NUCB2: variants seen among roughly 807,000 people sequenced by gnomAD.
NUCB2 encodes the protein nucleobindin-2.
In NUCB2, 48 loss-of-function variants were observed where a neutral mutation model predicts 57.9. The ratio of observed to expected loss-of-function variants is 0.83; its 90% CI spans 0.66 to 1.05. The LOEUF (loss-of-function observed/expected upper bound fraction) is 1.05. Among genes scored for constraint, NUCB2 ranks in the 50% least tolerant of loss-of-function variants. The probability of loss-of-function intolerance (pLI) is 0.00; values close to 1 mark genes in which losing one functional copy is unlikely to be tolerated. For missense variants in NUCB2, 442 were observed against 476.2 expected (o/e 0.93, Z 0.67); for synonymous variants, 139 against 152.1 (o/e 0.91, Z 0.64).
Position 17,288,882 on chromosome 11 carries a change from T to TACACACACACACACACAC in NUCB2, c.-1+5991_-1+6008dup, listed in dbSNP as rs1167995024. Among the ~76,000 whole-genome samples, 62 of 44,630 alleles carry TACACACACACACACACAC rather than the reference T, an allele frequency of 1.4e-3. 2 individuals carry two copies. Among genetic ancestry groups the TACACACACACACACACAC allele is most frequent in the South Asian group, 1.7e-3 (2 of 1,144 alleles). 29.3% of individuals were successfully genotyped at this position (44,630 alleles called of 152,430 possible). ...TAAAGTCTATTTAATAACATGTATA[T>TACACACACACACACACAC]ACACACACACACACACACACACACA... On this transcript the variant is annotated intron_variant, in intron 2 of 13. Coordinates refer to ENST00000529010, the MANE Select transcript of NUCB2 (RefSeq NM_005013.4).
chr11:17,309,826 T>C (rs1376129872), intron 6 of NUCB2, 151 bp downstream of exon 6: 1 of 510,420 alleles, frequency 2.0e-6, no homozygotes, highest in Non-Finnish European at 3.4e-6. Flanking sequence ...ATACAGATAT[T>C]AATATGTACA....
At chr11:17,341,460 G>A (rs1952258914) in intron 2 of NUCB2, among the ~76,000 whole-genome samples, 1 of 151,868 alleles carries the variant, frequency 6.6e-6, no homozygotes, top group Non-Finnish European at 1.5e-5. Flanking sequence ...GTTTGTCATA[G>A]ATAGCTCTTA....
chr11:17,316,861 C>T (rs1024474988), intron 11 of NUCB2, among the ~76,000 whole-genome samples: 8 of 152,114 alleles, frequency 5.3e-5, no homozygotes, highest in Non-Finnish European at 1.0e-4. Flanking sequence ...CTAGTTTACC[C>T]AGGACTGAGG....
intron 11 of NUCB2, among the ~76,000 whole-genome samples, chr11:17,324,772 C>T (rs1203363669): frequency 7.1e-6 from 1 of 141,212 alleles, no homozygotes; most frequent in Non-Finnish European, 1.5e-5. Context: ...AGCATATTGT[C>T]TATTTGTCTA....
rs201161740 is a variant in NUCB2 at position 17,312,405 on chromosome 11, A to AT, written c.912+301dup. 6.5e-3 allele frequency among the ~76,000 whole-genome samples: 897 copies of AT among 137,620 alleles called. 3 individuals are homozygous for AT. Among genetic ancestry groups the AT allele is most frequent in the African/African-American group, 0.02 (736 of 37,288 alleles). The allele number at this position is 137,620 out of a possible 152,430, so 90.3% of individuals were successfully genotyped here. A position where few individuals can be genotyped will look rare whatever the true frequency, so the allele number is the denominator to read the frequency against. On this transcript the variant is annotated intron_variant, in intron 10 of 13. Transcript: ENST00000529010. Reference sequence around the variant, plus strand: ...GCTGGAGCCACCATGCCTACCTAATATTTTTTTTTTTTTTTTGAGACGGAG... The same window carrying AT: ...GCTGGAGCCACCATGCCTACCTAATATTTTTTTTTTTTTTTTTGAGACGGAG...
chr11:17,334,171 T>C (rs1235383290), downstream of NUCB2: 4 of 152,236 alleles, frequency 2.6e-5, no homozygotes, highest in African/African-American at 7.2e-5. Flanking sequence ...CTGTAAGCAA[T>C]GAAATCTTCT....
rs981143350 is a variant in NUCB2, at chr11:17,317,825, A to C, written c.1002+2350A>C. 4.1e-5 allele frequency: 7 copies of C among 169,112 alleles called. No homozygotes were observed. In the Admixed American group the frequency reaches 4.2e-4, roughly 10 times the overall value. The allele number at this position is 169,112 out of a possible 1,614,324, so 10.5% of individuals were successfully genotyped here. ...TCGTCTAGCCCACCATAGTGAGAGA[A>C]TCAGAAGTCAGTTTTTGTTTTTTTA... On this transcript the variant is annotated intron_variant, in intron 11 of 13. Coordinates refer to ENST00000529010, the MANE Select transcript of NUCB2 (RefSeq NM_005013.4).
intron 2 of NUCB2, among the ~76,000 whole-genome samples, chr11:17,289,953 C>G (rs1944643319): frequency 6.6e-6 from 1 of 152,176 alleles, no homozygotes; most frequent in Admixed American, 6.5e-5. Flanking sequence ...ATGAGTCCAT[C>G]AATTCAGCCT....
chr11:17,323,258 A>G (rs1407847505), intron 11 of NUCB2, among the ~76,000 whole-genome samples: 1 of 152,272 alleles, frequency 6.6e-6, no homozygotes, highest in East Asian at 1.9e-4. Flanking sequence ...TGTTCCTTCT[A>G]TACCCATTTT....
intron 2 of NUCB2, among the ~76,000 whole-genome samples, chr11:17,285,059 G>A (rs1943399873): frequency 1.3e-5 from 2 of 152,136 alleles, no homozygotes; most frequent in South Asian, 2.1e-4. Flanking sequence ...TAGGTTAAAG[G>A]AAACATGCTT....
At chr11:17,288,932 CACACACACACACACACACATATATAT>C (rs1565376911) in intron 2 of NUCB2, among the ~76,000 whole-genome samples, 1 of 87,244 alleles carries the variant, frequency 1.1e-5, no homozygotes, top group Non-Finnish European at 1.9e-5. Context: ...CACACACACA[CACACACACACACACACACATATATAT>C]ATATATTTTT....
chr11:17,298,102 A>AG (rs1204460331), intron 4 of NUCB2, among the ~76,000 whole-genome samples: 18 of 138,196 alleles, frequency 1.3e-4, no homozygotes, highest in South Asian at 2.4e-4. Flanking sequence ...AAAAAAAAAA[A>AG]GGGGGGCCGG....
In NUCB2 at chr11:17,326,477, G is replaced by A. The variant is rs551956909; in HGVS notation, c.1003-3650G>A. Among the ~76,000 whole-genome samples, 199 of 149,226 alleles carry A rather than the reference G, an allele frequency of 1.3e-3. 1 individual carries two copies. Among genetic ancestry groups the A allele is most frequent in the African/African-American group, 4.7e-3 (192 of 40,602 alleles). ...GGATTACAGGCATGTGCCACCACAC[G>A]CGGCTAATTTTTTGTATTTTTAATA... On this transcript the variant is annotated intron_variant, in intron 11 of 13. Transcript: ENST00000529010.
intron 11 of NUCB2, among the ~76,000 whole-genome samples, chr11:17,322,268 T>C (rs1398169590): frequency 6.6e-6 from 1 of 152,198 alleles, no homozygotes; most frequent in Non-Finnish European, 1.5e-5. Context: ...TTGATTTTTG[T>C]ATAAGGCAAG....
At chr11:17,311,384 G>C in intron 8 of NUCB2, 101 bp downstream of exon 8, 2 of 808,004 alleles carry the variant, frequency 2.5e-6, no homozygotes, top group South Asian at 3.6e-5. Flanking sequence ...TTGAGTTCTA[G>C]TGAGAGTAAA....
rs1337581017 is a variant in NUCB2, at chr11:17,311,208, C to G, written c.685C>G (p.Leu229Val). The G allele has an allele frequency of 1.2e-6, 2 of 1,602,634 alleles. No homozygotes were observed. Among genetic ancestry groups the G allele is most frequent in the Non-Finnish European group, 1.7e-6 (2 of 1,177,070 alleles). ...TGGTTCACAGGGAAGCAAAGATCAA[C>G]TAAAAGAGGTATGGGAAGAGACTGA... ...KVNHPGSKDQLKEVWEETDGL... is the reference protein window; with the variant it reads ...KVNHPGSKDQVKEVWEETDGL... The change falls in exon 8 of 14, where the codon CTA becomes GTA. Residue 229 changes from leucine (L) to valine (V), a missense_variant. Coordinates refer to ENST00000529010, the MANE Select transcript of NUCB2 (RefSeq NM_005013.4).
chr11:17,340,743 G>C (rs575939413), intron 2 of NUCB2, among the ~76,000 whole-genome samples: 1 of 151,974 alleles, frequency 6.6e-6, no homozygotes, highest in Non-Finnish European at 1.5e-5. Flanking sequence ...TGCTGTTTTG[G>C]TTACTGTAGC....
At chr11:17,288,932 CACACACACACACACACACATATATATAT>C (rs1944381987) in intron 2 of NUCB2, among the ~76,000 whole-genome samples, 1 of 87,244 alleles carries the variant, frequency 1.1e-5, no homozygotes, top group African/African-American at 7.5e-5. Context: ...CACACACACA[CACACACACACACACACACATATATATAT>C]ATATTTTTTT....
chr11:17,315,246 TCCTCCAG>T, intron 10 of NUCB2, 133 bp from the exon 11 acceptor site: 1 of 480,930 alleles, frequency 2.1e-6, no homozygotes, highest in Non-Finnish European at 3.8e-6. Flanking sequence ...TTTATTTTTT[TCCTCCAG>T]TTTCTGTGGA....
Sources: gnomAD v4.1 joint callset for allele counts (sites outside exome capture counted in the v4.1 genomes callset) on GRCh38, gnomAD v4.1.1 for gene constraint, MANE v1.5 for transcripts, NCBI Gene and HGNC (gene_info 2026-07-23, HGNC 2026-07-21) for gene names.